The following SGCZ variants were observed in gnomAD, a reference collection of about 807,000 sequenced individuals.
SGCZ encodes the protein sarcoglycan zeta.
Under a neutral mutation model 41.3 loss-of-function variants are expected in SGCZ, and 40 were observed. That is an observed-to-expected ratio of 0.97 (90% CI 0.75 to 1.26). The LOEUF (loss-of-function observed/expected upper bound fraction) is 1.26. Ranked by LOEUF, SGCZ falls within the 50% of genes most tolerant of loss-of-function variation. SGCZ has a pLI of 0.00. For synonymous variants in SGCZ, 206 were observed against 137.5 expected, an observed-to-expected ratio of 1.50 and a Z score of -3.49; for missense variants, 552 against 369.8, an observed-to-expected ratio of 1.49 and a Z score of -4.04.
chr8:14,247,327 GCT>G lies in SGCZ; in HGVS notation c.337-9650_337-9649del, dbSNP rs1168913418. ...TAATCAGAGTAGTCCCCATCCTGAAGCTCTCTTTCTCCCAACCGATAATACGG... is the reference window on the plus strand; with the variant it reads ...TAATCAGAGTAGTCCCCATCCTGAAGCTCTTTCTCCCAACCGATAATACGG... On this transcript the variant is annotated intron_variant, in intron 3 of 7. Transcript: ENST00000382080. Among the ~76,000 whole-genome samples, 10 of 152,184 alleles carry G rather than the reference GCT, an allele frequency of 6.6e-5. 1 individual carries two copies. Among genetic ancestry groups the G allele is most frequent in the African/African-American group, 2.4e-4 (10 of 41,536 alleles).
intron 1 of SGCZ, among the ~76,000 whole-genome samples, chr8:15,035,552 G>C (rs1485801621): frequency 2.6e-5 from 4 of 152,212 alleles, no homozygotes; most frequent in South Asian, 2.1e-4. Context: ...AAATGACATA[G>C]AGTAGCTAAA....
chr8:14,202,119 T>A (rs540897130), intron 4 of SGCZ, among the ~76,000 whole-genome samples: 3 of 152,090 alleles, frequency 2.0e-5, no homozygotes, highest in East Asian at 3.9e-4. Flanking sequence ...TGCTGGATAA[T>A]CCCAATGTCA....
At chr8:15,152,675 A>T (rs910445091) in intron 1 of SGCZ, among the ~76,000 whole-genome samples, 1 of 152,238 alleles carries the variant, frequency 6.6e-6, no homozygotes, top group African/African-American at 2.4e-5. Flanking sequence ...CTTTTTAAAA[A>T]AACATGGTTA....
intron 1 of SGCZ, among the ~76,000 whole-genome samples, chr8:15,136,310 C>G (rs1220134574): frequency 6.6e-6 from 1 of 152,048 alleles, no homozygotes; most frequent in East Asian, 1.9e-4. Flanking sequence ...ATGGTTCATG[C>G]TTTAAGCCAT....
chr8:14,708,470 C>T (rs1203005782), intron 1 of SGCZ, among the ~76,000 whole-genome samples: 4 of 151,246 alleles, frequency 2.6e-5, no homozygotes, highest in Admixed American at 6.6e-5. Context: ...TTTTGACCTA[C>T]TTTTCAACCC....
chr8:14,692,607 C>CA (rs1808834011), intron 1 of SGCZ, among the ~76,000 whole-genome samples: 1 of 152,152 alleles, frequency 6.6e-6, no homozygotes, highest in Non-Finnish European at 1.5e-5. Context: ...AAAAAAGCAA[C>CA]TGCTTTGTGG....
chr8:14,841,227 C>T (rs996951982), intron 1 of SGCZ, among the ~76,000 whole-genome samples: 3 of 152,194 alleles, frequency 2.0e-5, no homozygotes, highest in African/African-American at 7.2e-5. Context: ...TATCAACCAT[C>T]AAATGTAAAC....
intron 1 of SGCZ, among the ~76,000 whole-genome samples, chr8:15,165,464 C>A (rs189138562): frequency 7.2e-5 from 11 of 152,122 alleles, no homozygotes; most frequent in African/African-American, 2.4e-4. Flanking sequence ...TTACAAACTG[C>A]TTTTTGGGTT....
At chr8:14,769,848 C>A (rs955399550) in intron 1 of SGCZ, among the ~76,000 whole-genome samples, 1 of 114,708 alleles carries the variant, frequency 8.7e-6, no homozygotes, top group Non-Finnish European at 1.9e-5. Flanking sequence ...GGCTCCACTT[C>A]TTGCTGGAAA....
intron 1 of SGCZ, among the ~76,000 whole-genome samples, chr8:14,796,667 C>G (rs1216390959): frequency 6.6e-6 from 1 of 152,134 alleles, no homozygotes; most frequent in Non-Finnish European, 1.5e-5. Flanking sequence ...ATGAATAAGA[C>G]TCTTAGTAAA....
rs1294413944 is a variant in SGCZ at position 14,358,314 on chromosome 8, G to A, written c.235-34110C>T. On this transcript the variant is annotated intron_variant, in intron 2 of 7. Coordinates refer to ENST00000382080, the MANE Select transcript of SGCZ (RefSeq NM_139167.4). ...GGGTAATCGATGCAGAAAGGGTTTA[G>A]TGAGTTTTTTCCATATTGCACAACT... Among the ~76,000 whole-genome samples the A allele has an allele frequency of 3.3e-5, 5 of 152,102 alleles. No individual in the cohort carries two copies. In the East Asian group the frequency reaches 7.7e-4, roughly 23 times the overall value.
At chr8:15,077,865 GC>G (rs1170135511) in intron 1 of SGCZ, among the ~76,000 whole-genome samples, 1 of 152,178 alleles carries the variant, frequency 6.6e-6, no homozygotes, top group Non-Finnish European at 1.5e-5. Flanking sequence ...TTTGAGAGAT[GC>G]AGGAGGCAGA....
chr8:14,457,467 A>C (rs1800780164), intron 2 of SGCZ, among the ~76,000 whole-genome samples: 2 of 152,166 alleles, frequency 1.3e-5, no homozygotes, highest in Non-Finnish European at 2.9e-5. Flanking sequence ...AGTTTAGAGA[A>C]GACTCTGCTC....
Position 14,812,478 on chromosome 8 carries a change from A to G in SGCZ, c.40-257552T>C, listed in dbSNP as rs1031056. ...ACACAGGCCTGGAATATAACCCCAA[A>G]GAATGACTCAGGAAAACATCACACG... On this transcript the variant is annotated intron_variant, in intron 1 of 7. Coordinates refer to ENST00000382080, the MANE Select transcript of SGCZ (RefSeq NM_139167.4). Among the ~76,000 whole-genome samples the G allele has an allele frequency of 4.7e-3, 714 of 152,266 alleles. 12 individuals are homozygous for G. Among genetic ancestry groups the G allele is most frequent in the African/African-American group, 0.016 (659 of 41,572 alleles).
At chr8:14,889,083 G>A (rs1804913747) in intron 1 of SGCZ, among the ~76,000 whole-genome samples, 1 of 151,952 alleles carries the variant, frequency 6.6e-6, no homozygotes, top group African/African-American at 2.4e-5. Context: ...GGTTATAATT[G>A]GCATAATACT....
intron 1 of SGCZ, among the ~76,000 whole-genome samples, chr8:15,027,403 A>T (rs956959405): frequency 6.6e-6 from 1 of 152,222 alleles, no homozygotes; most frequent in East Asian, 1.9e-4. Flanking sequence ...GCTCAAATAA[A>T]AAAAGAAATA....
At chr8:14,558,326 G>A (rs1804095444) in intron 1 of SGCZ, among the ~76,000 whole-genome samples, 1 of 152,112 alleles carries the variant, frequency 6.6e-6, no homozygotes, top group South Asian at 2.1e-4. Context: ...TGTAATCTCA[G>A]TACTTTTGGA....
intron 4 of SGCZ, among the ~76,000 whole-genome samples, chr8:14,218,058 G>C (rs770205310): frequency 2.6e-5 from 4 of 152,038 alleles, no homozygotes; most frequent in Non-Finnish European, 5.9e-5. Context: ...TTTCCCCCAA[G>C]CCTAGGAACA....
chr8:14,886,329 T>C (rs1804803787), intron 1 of SGCZ, among the ~76,000 whole-genome samples: 1 of 151,858 alleles, frequency 6.6e-6, no homozygotes, highest in African/African-American at 2.4e-5. Context: ...ATATCCTAGT[T>C]ATAAAAACAA....
Sources: allele counts gnomAD v4.1 joint callset (sites outside exome capture counted in the v4.1 genomes callset), GRCh38; gene constraint gnomAD v4.1.1; transcripts MANE v1.5; gene names NCBI Gene and HGNC (gene_info 2026-07-23, HGNC 2026-07-21).